Variants in TANC1 observed in about 807,000 individuals in gnomAD.
The protein encoded by TANC1 is tetratricopeptide repeat, ankyrin repeat and coiled-coil containing 1.
A neutral mutation model predicts 149.7 loss-of-function variants in TANC1; 77 were observed. The ratio of observed to expected loss-of-function variants is 0.51; its 90% confidence interval spans 0.43 to 0.62. The LOEUF is 0.62. Ranked by LOEUF, TANC1 falls within the 20% of genes least tolerant of loss-of-function variation. The pLI is 0.00. For missense variants in TANC1, 1,985 were observed against 2,321.8 expected (o/e 0.85, Z 2.98); for synonymous variants, 854 against 925.0 (o/e 0.92, Z 1.39).
Position 158,982,528 on chromosome 2 carries a change from T to C in TANC1, c.-126+13746T>C, listed in dbSNP as rs1244132635. 2.0e-5 allele frequency among the ~76,000 whole-genome samples: 3 copies of C among 152,262 alleles called. No homozygotes were observed. The East Asian group carries it at 5.8e-4, about 29-fold the overall frequency. ...TGTATGAAAGGCTTAGCACCGTGCA[T>C]GGATCAGAGCTATCAAAACCAGATC... On this transcript the variant is annotated intron_variant, in intron 1 of 26. Transcript: ENST00000263635.
intron 19 of TANC1, among the ~76,000 whole-genome samples, chr2:159,202,506 G>A (rs756153948): frequency 3.9e-5 from 6 of 152,114 alleles, no homozygotes; most frequent in Non-Finnish European, 7.4e-5. Context: ...GTTTTTGTCT[G>A]TCCAATGTTT....
Position 159,186,993 on chromosome 2 carries a change from C to G in TANC1, c.2711C>G (p.Ser904Cys). Residue 904 changes from serine (S) to cysteine (C), a missense_variant, in exon 16 of 27, where the codon TCT (serine) becomes TGT (cysteine). By Grantham distance (112) the Ser-to-Cys change is moderately radical (BLOSUM62 -1). Transcript: ENST00000263635. Reference sequence around the variant, plus strand: ...GAGGGGCTGTCCGCCGCCCTGGCCTCTCTCAGGAATCTCTATACTCCCAAC... The same window carrying G: ...GAGGGGCTGTCCGCCGCCCTGGCCTGTCTCAGGAATCTCTATACTCCCAAC... ...STEGLSAALASLRNLYTPNVK... is the reference protein window; with the variant it reads ...STEGLSAALACLRNLYTPNVK... The G allele has an allele frequency of 1.9e-6, 3 of 1,614,246 alleles. No homozygotes were observed. The highest frequency in any genetic ancestry group is 2.5e-6 in the Non-Finnish European group (3 of 1,180,040).
Position 159,228,813 on chromosome 2 carries a change from G to A in TANC1, c.4068G>A (p.Glu1356=). ...GACACCAGGACTTTGGCATGGCAGA[G>A]GAATTTGCTTCCAAGGCTCTCGAAT... ...RRKTNDFGMA[E]EFASKALELK... The change falls in exon 26 of 27, where the codon GAG becomes GAA. Residue 1356 remains glutamate (E), a synonymous_variant. Coordinates refer to ENST00000263635, the MANE Select transcript of TANC1 (RefSeq NM_033394.3). 6.2e-7 allele frequency: 1 copy of A among 1,614,118 alleles called. No homozygotes were observed. Among genetic ancestry groups the A allele is most frequent in the Non-Finnish European group, 8.5e-7 (1 of 1,179,964 alleles).
intron 4 of TANC1, among the ~76,000 whole-genome samples, chr2:159,128,747 T>C (rs187163313): frequency 1.3e-5 from 2 of 152,292 alleles, no homozygotes; most frequent in Admixed American, 6.5e-5. Context: ...TAATTGCATG[T>C]CACCTCATTC....
At chr2:159,126,647 T>C (rs1239407662) in intron 4 of TANC1, among the ~76,000 whole-genome samples, 1 of 152,228 alleles carries the variant, frequency 6.6e-6, no homozygotes, top group Admixed American at 6.5e-5. Flanking sequence ...GAGTGTGGCT[T>C]TTTGATTAAA....
intron 2 of TANC1, among the ~76,000 whole-genome samples, chr2:159,045,715 C>T (rs956202398): frequency 9.9e-5 from 15 of 152,120 alleles, no homozygotes; most frequent in Middle Eastern, 3.2e-3. Flanking sequence ...CCTGAGCCGA[C>T]GTTTAGGGGA....
intron 3 of TANC1, among the ~76,000 whole-genome samples, chr2:159,070,418 T>TTA (rs1351223988): frequency 1.3e-5 from 2 of 152,214 alleles, no homozygotes; most frequent in Non-Finnish European, 2.9e-5. Context: ...GACACATTAT[T>TTA]ATCACCCAAA....
chr2:159,138,743 G>A (rs960775371), intron 5 of TANC1, among the ~76,000 whole-genome samples: 11 of 152,188 alleles, frequency 7.2e-5, no homozygotes, highest in African/African-American at 2.7e-4. Context: ...TAGCATGCCA[G>A]TATTCACCAG....
chr2:159,017,074 T>C (rs2038357231), intron 2 of TANC1, among the ~76,000 whole-genome samples: 1 of 152,234 alleles, frequency 6.6e-6, no homozygotes, highest in Admixed American at 6.5e-5. Flanking sequence ...ATGTACACAT[T>C]GTTTTTAAAG....
At chr2:159,094,415 G>A (rs1230797735) in intron 3 of TANC1, among the ~76,000 whole-genome samples, 2 of 152,196 alleles carry the variant, frequency 1.3e-5, no homozygotes, top group Admixed American at 6.5e-5. Context: ...GTGACGTGAT[G>A]TGGTTCTTGT....
At chr2:159,004,221 G>C in intron 2 of TANC1, 1 of 1,612,580 alleles carries the variant, frequency 6.2e-7, no homozygotes, top group Non-Finnish European at 8.5e-7. Flanking sequence ...GCAAGTCTTG[G>C]ACAGTAAAGC....
At chr2:159,210,626 G>A (rs146609555) in intron 19 of TANC1, among the ~76,000 whole-genome samples, 4,906 of 151,992 alleles carry the variant, frequency 0.032, 270 homozygotes, top group African/African-American at 0.11. Context: ...GAGTGCAGTG[G>A]CGAGATCTCG....
chr2:159,183,415 G>C (rs2056678856), intron 14 of TANC1, among the ~76,000 whole-genome samples: 1 of 152,224 alleles, frequency 6.6e-6, no homozygotes, highest in African/African-American at 2.4e-5. Context: ...GAGGTGTCTG[G>C]CATGACTCGG....
intron 19 of TANC1, among the ~76,000 whole-genome samples, chr2:159,204,411 G>C (rs932325812): frequency 6.6e-6 from 1 of 152,156 alleles, no homozygotes; most frequent in South Asian, 2.1e-4. Context: ...CTGTGCTGAA[G>C]GCATGGTGGG....
In TANC1 at chr2:159,136,209, C is replaced by T. The variant is rs773868409; in HGVS notation, c.275C>T (p.Pro92Leu). The change falls in exon 5 of 27, where the codon CCC becomes CTC. Residue 92 changes from proline to leucine, a missense_variant. Coordinates refer to ENST00000263635, the MANE Select transcript of TANC1 (RefSeq NM_033394.3). ...CCCACTACAGGTCCCGTCAGGAAGC[C>T]CAAGTATGTGGAAAGCCCCAGAGTG... ...NKKSPGPVRK[P>L]KYVESPRVPG... The T allele has an allele frequency of 6.2e-7, 1 of 1,610,678 alleles. No individual in the cohort carries two copies. The highest frequency in any genetic ancestry group is 8.5e-7 in the Non-Finnish European group (1 of 1,176,974).
chr2:159,015,575 A>G (rs2038189079), intron 2 of TANC1, among the ~76,000 whole-genome samples: 2 of 152,272 alleles, frequency 1.3e-5, no homozygotes, highest in South Asian at 4.1e-4. Context: ...TTTCTTTTCT[A>G]TTGCATTGTC....
chr2:159,064,635 C>T (rs183829624), intron 2 of TANC1, among the ~76,000 whole-genome samples: 3 of 152,286 alleles, frequency 2.0e-5, no homozygotes, highest in East Asian at 3.9e-4. Flanking sequence ...ATCAGTAAAA[C>T]AAAAGGCTTG....
At chr2:159,136,403 A>C (rs1403209757) in intron 5 of TANC1, 105 bp downstream of exon 5, 13 of 717,258 alleles carry the variant, frequency 1.8e-5, no homozygotes, top group Non-Finnish European at 2.7e-5. Context: ...CTTTGCTGAG[A>C]ATGTATTTGG....
chr2:159,086,161 G>T (rs534665706), intron 3 of TANC1, among the ~76,000 whole-genome samples: 1 of 151,768 alleles, frequency 6.6e-6, no homozygotes, highest in South Asian at 2.1e-4. Context: ...TCAAGAAAGT[G>T]CTGTGAAAAA....
Sources: allele counts gnomAD v4.1 joint callset (sites outside exome capture counted in the v4.1 genomes callset), GRCh38; gene constraint gnomAD v4.1.1; transcripts MANE v1.5; gene names NCBI Gene and HGNC (gene_info 2026-07-23, HGNC 2026-07-21).